MYO6: variants seen among roughly 807,000 people sequenced by gnomAD.
MYO6 encodes myosin VI.
In MYO6, 74 loss-of-function variants were observed where a neutral mutation model predicts 178.7. That is an observed-to-expected ratio of 0.41 (90% CI 0.34 to 0.50). The LOEUF (loss-of-function observed/expected upper bound fraction) is 0.50. Ranked by LOEUF, MYO6 falls within the 20% of genes least tolerant of loss-of-function variation. The pLI, the probability that MYO6 is intolerant of heterozygous loss-of-function variation, is 0.09. For missense variants in MYO6, 1,330 were observed against 1,547.4 expected, an observed-to-expected ratio of 0.86 and a Z score of 2.36; for synonymous variants, 477 against 504.6, an observed-to-expected ratio of 0.95 and a Z score of 0.73.
chr6:75,758,534 C>G (rs1175881743), intron 1 of MYO6, among the ~76,000 whole-genome samples: 1 of 152,032 alleles, frequency 6.6e-6, no homozygotes, highest in Non-Finnish European at 1.5e-5. Context: ...CATCTCAGCT[C>G]ACTGCAAGCT....
intron 1 of MYO6, among the ~76,000 whole-genome samples, chr6:75,760,879 G>A (rs2149986133): frequency 1.3e-5 from 2 of 152,132 alleles, no homozygotes; most frequent in Middle Eastern, 6.8e-3. Context: ...GTTTTTCCAT[G>A]TTGTATTCTT....
chr6:75,908,569 G>C lies in MYO6; in HGVS notation c.3354G>C (p.Lys1118Asn), dbSNP rs1465136981. 6.2e-7 allele frequency: 1 copy of C among 1,613,260 alleles called. No homozygotes were observed. Among genetic ancestry groups the C allele is most frequent in the Admixed American group, 1.7e-5 (1 of 59,974 alleles). Residue 1118 changes from lysine (K) to asparagine (N), a missense_variant, in exon 32 of 35, where the codon AAG becomes AAC. By Grantham distance (94) the Lys-to-Asn change is moderately conservative. Around this residue, in one of 3 missense-constraint regions of MYO6, gnomAD observed 601 missense variants for 626.1 expected, o/e 0.96. Coordinates refer to ENST00000369977, the MANE Select transcript of MYO6 (RefSeq NM_004999.4). ...RLKVYHAWKSKNKKRNTETEQ... is the reference protein window; with the variant it reads ...RLKVYHAWKSNNKKRNTETEQ... The stretch of plus-strand genomic sequence containing the variant: ...AAGTGTATCATGCTTGGAAATCTAA[G>C]AACAAGAAGAGAAATACTGAAACAG...
intron 16 of MYO6, among the ~76,000 whole-genome samples, chr6:75,863,996 G>T (rs1583303715): frequency 6.6e-6 from 1 of 152,086 alleles, no homozygotes; most frequent in Non-Finnish European, 1.5e-5. Flanking sequence ...CACAGACAAT[G>T]TGCTAGCCAC....
intron 1 of MYO6, among the ~76,000 whole-genome samples, chr6:75,787,473 GA>G (rs1434682088): frequency 1.3e-5 from 2 of 151,886 alleles, no homozygotes; most frequent in Non-Finnish European, 2.9e-5. Context: ...CTAAGTGAAA[GA>G]CACCAGAACT....
intron 1 of MYO6, among the ~76,000 whole-genome samples, chr6:75,783,763 G>T (rs958280555): frequency 4.0e-5 from 6 of 151,872 alleles, no homozygotes; most frequent in African/African-American, 1.5e-4. Flanking sequence ...TGAAAGAGTT[G>T]GAAATTTATC....
chr6:75,786,074 C>T (rs1351306607), intron 1 of MYO6, among the ~76,000 whole-genome samples: 1 of 151,876 alleles, frequency 6.6e-6, no homozygotes, highest in Non-Finnish European at 1.5e-5. Context: ...TGCCACCACG[C>T]CCAGCTAAAT....
chr6:75,800,102 C>T (rs975477631), intron 1 of MYO6, among the ~76,000 whole-genome samples: 13 of 151,996 alleles, frequency 8.6e-5, no homozygotes, highest in African/African-American at 3.1e-4. Flanking sequence ...ATTGGGAATT[C>T]AATAAATGTT....
At chr6:75,813,386 C>T (rs956689949) in intron 1 of MYO6, among the ~76,000 whole-genome samples, 5 of 152,188 alleles carry the variant, frequency 3.3e-5, no homozygotes, top group African/African-American at 4.8e-5. Flanking sequence ...CCAGTCAGTT[C>T]GTGGTGGATG....
At chr6:75,879,112 G>T (rs982706076) in intron 20 of MYO6, among the ~76,000 whole-genome samples, 1 of 152,054 alleles carries the variant, frequency 6.6e-6, no homozygotes, top group Non-Finnish European at 1.5e-5. Flanking sequence ...GTTTCTTTCA[G>T]GAATTTTGTT....
At position 75,836,873 on chromosome 6, in the gene MYO6, G is replaced by A. The variant is rs146722512; in HGVS notation, c.553+917G>A. On this transcript the variant is annotated intron_variant, in intron 7 of 34. Coordinates refer to ENST00000369977, the MANE Select transcript of MYO6 (RefSeq NM_004999.4). ...GTTGGGATTATAGGGGTGAGCCACC[G>A]CGCCCAGCTGGAATAATTTCTTTTG... Among the ~76,000 whole-genome samples, 331 of 152,180 alleles carry A rather than the reference G, an allele frequency of 2.2e-3. 2 individuals are homozygous for A. Among genetic ancestry groups the A allele is most frequent in the African/African-American group, 7.6e-3 (317 of 41,528 alleles).
At chr6:75,801,369 G>A (rs1583124327) in intron 1 of MYO6, among the ~76,000 whole-genome samples, 1 of 151,678 alleles carries the variant, frequency 6.6e-6, no homozygotes, top group East Asian at 2.0e-4. Context: ...AGGAGGGGTG[G>A]TTGTTCTTGC....
intron 1 of MYO6, among the ~76,000 whole-genome samples, chr6:75,802,737 T>C (rs1769615916): frequency 1.3e-5 from 2 of 152,100 alleles, no homozygotes; most frequent in Admixed American, 1.3e-4. Context: ...TCTCTCCAGC[T>C]TGGCCTCTCA....
intron 30 of MYO6, among the ~76,000 whole-genome samples, chr6:75,903,384 G>C (rs1358576462): frequency 6.6e-6 from 1 of 151,680 alleles, no homozygotes; most frequent in South Asian, 2.1e-4. Context: ...GGTCACTCAG[G>C]ACTTGCTTTA....
At position 75,886,006 on chromosome 6, in the gene MYO6, A is replaced by C. The variant is rs1309220263; in HGVS notation, c.2419A>C (p.Lys807Gln). 1.3e-6 allele frequency: 2 copies of C among 1,590,464 alleles called. No homozygotes were observed. Among genetic ancestry groups the C allele is most frequent in the Non-Finnish European group, 1.7e-6 (2 of 1,159,820 alleles). The change falls in exon 24 of 35, where the codon AAA (lysine) becomes CAA (glutamine). Residue 807 changes from lysine (K) to glutamine (Q), a missense_variant and splice_region_variant. This residue lies in a region of MYO6 where 601 missense variants were observed against 626.1 expected (regional missense o/e 0.96). Coordinates refer to ENST00000369977, the MANE Select transcript of MYO6 (RefSeq NM_004999.4). ...QWCSLSVIKL[K>Q]NKIKYRAEAC... Reference sequence around the variant, plus strand: ...TTTTATTTTACTCTTACACATAGTGAAAAACAAAATAAAATATCGAGCTGA... The same window carrying C: ...TTTTATTTTACTCTTACACATAGTGCAAAACAAAATAAAATATCGAGCTGA...
Position 75,892,685 on chromosome 6 carries a change from G to C in MYO6, c.3102G>C (p.Leu1034=), listed in dbSNP as rs775169264. 2.5e-6 allele frequency: 4 copies of C among 1,612,292 alleles called. No homozygotes were observed. Among genetic ancestry groups the C allele is most frequent in the Admixed American group, 1.7e-5 (1 of 60,022 alleles). Residue 1034 remains leucine (L), a synonymous_variant, in exon 28 of 35, where the codon CTG becomes CTC. Coordinates refer to ENST00000369977, the MANE Select transcript of MYO6 (RefSeq NM_004999.4). ...ATGAGGCCCAGGCCGACCTGGCGCT[G>C]CGGAGGTACTGGGGCCCCTGGGTGG... The part of the protein sequence containing the change: ...ISDEAQADLA[L]RRNDGTRPKM...
At chr6:75,869,397 G>A (rs1776957286) in intron 18 of MYO6, among the ~76,000 whole-genome samples, 3 of 152,202 alleles carry the variant, frequency 2.0e-5, no homozygotes, top group African/African-American at 7.2e-5. Context: ...GCCATTATTA[G>A]CTCCGTAACC....
intron 1 of MYO6, among the ~76,000 whole-genome samples, chr6:75,761,462 T>G (rs1213852324): frequency 1.3e-5 from 2 of 152,162 alleles, no homozygotes; most frequent in Non-Finnish European, 2.9e-5. Context: ...GCCTTTTTTT[T>G]GGAAGGAAAG....
chr6:75,815,834 C>T (rs964802358), intron 1 of MYO6, among the ~76,000 whole-genome samples: 1 of 152,174 alleles, frequency 6.6e-6, no homozygotes, highest in East Asian at 1.9e-4. Context: ...AGGATTATGG[C>T]ACATGAATCA....
intron 11 of MYO6, among the ~76,000 whole-genome samples, chr6:75,853,174 T>A (rs1233471322): frequency 6.6e-6 from 1 of 152,248 alleles, no homozygotes; most frequent in Non-Finnish European, 1.5e-5. Flanking sequence ...TGCCCATTTA[T>A]TAATTGGGTT....
Sources: gnomAD v4.1 joint callset for allele counts (sites outside exome capture counted in the v4.1 genomes callset) on GRCh38, gnomAD v4.1.1 for gene constraint, gnomAD v4.1.1 regional missense constraint, MANE v1.5 for transcripts, NCBI Gene and HGNC (gene_info 2026-07-23, HGNC 2026-07-21) for gene names.